Variants in PARVB observed in about 807,000 individuals in gnomAD.
The protein encoded by PARVB is beta-parvin.
A neutral mutation model predicts 47.0 loss-of-function variants in PARVB; 46 were observed. The observed-to-expected ratio is 0.98, with a 90% CI of 0.77 to 1.25. The LOEUF (loss-of-function observed/expected upper bound fraction) is 1.25, where lower values mean the gene tolerates loss of function less well. PARVB is among the 50% of genes most tolerant of loss of function. PARVB has a pLI of 0.00. For missense variants in PARVB, 473 were observed against 471.6 expected, an observed-to-expected ratio of 1.00 and a Z score of -0.03; for synonymous variants, 196 against 196.3, an observed-to-expected ratio of 1.00 and a Z score of 0.01.
chr22:44,026,733 C>T (rs922206778), intron 1 of PARVB, among the ~76,000 whole-genome samples: 3 of 152,082 alleles, frequency 2.0e-5, no homozygotes, highest in Admixed American at 1.3e-4. Flanking sequence ...GCCTGCTGCA[C>T]CGTCGGCTTC....
intron 1 of PARVB, among the ~76,000 whole-genome samples, chr22:44,047,850 A>T (rs949268560): frequency 1.3e-5 from 2 of 152,094 alleles, no homozygotes; most frequent in Non-Finnish European, 2.9e-5. Flanking sequence ...CTACTTGTGT[A>T]TGTGTATTGG....
chr22:44,116,141 C>G (rs1156991819), intron 3 of PARVB: 2 of 152,348 alleles, frequency 1.3e-5, no homozygotes, highest in Admixed American at 1.3e-4. Flanking sequence ...CTCAGACTTT[C>G]CTTGTTTCTG....
intron 1 of PARVB, among the ~76,000 whole-genome samples, chr22:44,059,117 G>T (rs1441773911): frequency 7.0e-6 from 1 of 142,898 alleles, no homozygotes; most frequent in Non-Finnish European, 1.5e-5. Flanking sequence ...ACGATCTCAG[G>T]TCACTACAAC....
chr22:44,081,112 T>G lies in PARVB; in HGVS notation c.113-12816T>G, dbSNP rs538809596. 5.9e-5 allele frequency among the ~76,000 whole-genome samples: 9 copies of G among 152,320 alleles called. No individual in the cohort carries two copies. The East Asian group carries it at 1.7e-3, about 29-fold the overall frequency. On this transcript the variant is annotated intron_variant, in intron 1 of 12. Transcript: ENST00000338758. Reference sequence around the variant, plus strand: ...CCCCTGTGGGCCGTGAAGGCCTTTCTCCTTTTCTGCTGTGGGCATTGCATC... The same window carrying G: ...CCCCTGTGGGCCGTGAAGGCCTTTCGCCTTTTCTGCTGTGGGCATTGCATC...
intron 4 of PARVB, among the ~76,000 whole-genome samples, chr22:44,128,068 C>G (rs34333219): frequency 0.28 from 42,092 of 152,108 alleles, 6,384 homozygotes; most frequent in Non-Finnish European, 0.35. Context: ...CAGGGATGAG[C>G]CACTACACCC....
At chr22:44,019,109 G>A (rs971911014) in intron 2 of PARVB, among the ~76,000 whole-genome samples, 1 of 152,220 alleles carries the variant, frequency 6.6e-6, no homozygotes, top group African/African-American at 2.4e-5. Flanking sequence ...TAGAGACAGG[G>A]TTCCACCATG....
chr22:44,087,579 T>TAAACCAGCTTGCTTTC (rs1312265687), intron 1 of PARVB, among the ~76,000 whole-genome samples: 1 of 152,196 alleles, frequency 6.6e-6, no homozygotes, highest in African/African-American at 2.4e-5. Context: ...CCTTGTTCTT[T>TAAACCAGCTTGCTTTC]AAACCAGCTT....
At chr22:44,091,468 C>T (rs1222257969) in intron 1 of PARVB, among the ~76,000 whole-genome samples, 2 of 152,104 alleles carry the variant, frequency 1.3e-5, no homozygotes, top group African/African-American at 2.4e-5. Flanking sequence ...TCATTCAACA[C>T]TACCTCTCTA....
intron 3 of PARVB, chr22:44,111,576 A>G (rs2052700255): frequency 6.7e-6 from 1 of 149,656 alleles, no homozygotes; most frequent in South Asian, 2.1e-4. Flanking sequence ...ACCCCTGAGT[A>G]GCTGGGACTA....
chr22:43,999,445 A>C, intron 1 of PARVB: 1 of 1,591,026 alleles, frequency 6.3e-7, no homozygotes, highest in African/African-American at 1.3e-5. Context: ...GAATGTTGTT[A>C]AAATCAGGTT....
Position 44,100,045 on chromosome 22 carries a change from C to T in PARVB, c.203-8C>T. 1.2e-6 allele frequency: 2 copies of T among 1,613,302 alleles called. No individual in the cohort carries two copies. Among genetic ancestry groups the T allele is most frequent in the Non-Finnish European group, 1.7e-6 (2 of 1,179,326 alleles). On this transcript the variant is annotated splice_polypyrimidine_tract_variant and splice_region_variant and intron_variant, in intron 2 of 12. Coordinates refer to ENST00000338758, the MANE Select transcript of PARVB (RefSeq NM_013327.5). ...TCGCTGACCGTGACTTCCTTTTGTC[C>T]CTGGCAGAGGAGAACGAGGAGCGCA...
chr22:44,163,600 G>A (rs79694141), intron 11 of PARVB, among the ~76,000 whole-genome samples: 6,501 of 152,252 alleles, frequency 0.043, 485 homozygotes, highest in African/African-American at 0.15. Context: ...AGAGCAGGCC[G>A]GGCACCTCAT....
chr22:44,073,875 G>A (rs2051707811), intron 1 of PARVB, among the ~76,000 whole-genome samples: 2 of 152,250 alleles, frequency 1.3e-5, no homozygotes, highest in Non-Finnish European at 2.9e-5. Context: ...AAACAGATGA[G>A]CGAGCATGAT....
At chr22:44,165,847 C>T (rs1287461965) in intron 12 of PARVB, among the ~76,000 whole-genome samples, 1 of 152,222 alleles carries the variant, frequency 6.6e-6, no homozygotes, top group Non-Finnish European at 1.5e-5. Flanking sequence ...GGAAGAGGGT[C>T]CTGCCCACAG....
intron 3 of PARVB, chr22:44,109,011 C>G (rs1017664299): frequency 2.6e-5 from 4 of 152,210 alleles, no homozygotes; most frequent in African/African-American, 7.2e-5. Flanking sequence ...TGCGTCTCCC[C>G]CCAAGAGCAG....
chr22:44,160,155 C>T lies in PARVB; in HGVS notation c.945+2072C>T, dbSNP rs561516675. ...TTTGAGCCTTACCCTGCACTGGCCA[C>T]GTGCTGAGCACCTTGCACCCATTGG... On this transcript the variant is annotated intron_variant, in intron 11 of 12. Transcript: ENST00000338758. 6.6e-5 allele frequency among the ~76,000 whole-genome samples: 10 copies of T among 152,350 alleles called. No individual in the cohort carries two copies. The South Asian group carries it at 1.2e-3, about 19-fold the overall frequency.
chr22:44,094,519 TCA>T (rs78332708), intron 2 of PARVB, among the ~76,000 whole-genome samples: 3 of 145,966 alleles, frequency 2.1e-5, no homozygotes, highest in African/African-American at 5.0e-5. Context: ...AGATAGAGTC[TCA>T]CTCTGTTACC....
At chr22:44,091,242 G>A (rs1412150179) in intron 1 of PARVB, among the ~76,000 whole-genome samples, 5 of 151,342 alleles carry the variant, frequency 3.3e-5, no homozygotes, top group Admixed American at 6.6e-5. Context: ...GCTGGCTCGC[G>A]GCTGGAATGT....
chr22:44,028,244 A>G (rs1033022260), intron 1 of PARVB, among the ~76,000 whole-genome samples: 3 of 152,230 alleles, frequency 2.0e-5, no homozygotes, highest in African/African-American at 7.2e-5. Context: ...TGACCCCAGA[A>G]TCCTCTTTCT....
Sources: gnomAD v4.1 joint callset for allele counts (sites outside exome capture counted in the v4.1 genomes callset) on GRCh38, gnomAD v4.1.1 for gene constraint, MANE v1.5 for transcripts, NCBI Gene and HGNC (gene_info 2026-07-23, HGNC 2026-07-21) for gene names.